AIG1: variants seen among roughly 807,000 people sequenced by gnomAD.
AIG1 encodes androgen induced 1.
AIG1 carries 23 observed loss-of-function variants against 31.4 expected under a neutral mutation model. The observed-to-expected ratio is 0.73, with a 90% CI of 0.53 to 1.04. The LOEUF (loss-of-function observed/expected upper bound fraction) is 1.04, where lower values mean the gene tolerates loss of function less well. AIG1 is among the 50% of genes least tolerant of loss of function. The pLI is 0.00. For missense variants in AIG1, 274 were observed against 295.0 expected, an observed-to-expected ratio of 0.93 and a Z score of 0.52; for synonymous variants, 100 against 110.5, an observed-to-expected ratio of 0.90 and a Z score of 0.60.
At chr6:143,305,964 C>T (rs1449092234) in intron 4 of AIG1, among the ~76,000 whole-genome samples, 1 of 151,924 alleles carries the variant, frequency 6.6e-6, no homozygotes, top group African/African-American at 2.4e-5. Context: ...GAATTGATCC[C>T]TTTACCATTA....
rs181445035 is a variant in AIG1, at chr6:143,131,769, A to C, written c.142-5066A>C. ...AAGGGCCTAGCTTGGCCAACACATT[A>C]ATTTTGGTGTTGTGGTACCCTAACC... is the stretch of plus-strand genomic sequence containing the variant. On this transcript the variant is annotated intron_variant, in intron 1 of 5. Transcript: ENST00000357847. Among the ~76,000 whole-genome samples, 313 of 152,270 alleles carry C rather than the reference A, an allele frequency of 2.1e-3. 2 individuals are homozygous for C. The highest frequency in any genetic ancestry group is 6.8e-3 in the Middle Eastern group (2 of 294).
intron 3 of AIG1, among the ~76,000 whole-genome samples, chr6:143,194,048 T>G (rs1790008505): frequency 6.6e-6 from 1 of 152,208 alleles, no homozygotes; most frequent in Admixed American, 6.5e-5. Context: ...AAGTCACAAA[T>G]GATTTATGAG....
chr6:143,131,149 T>C (rs1210340451), intron 1 of AIG1, among the ~76,000 whole-genome samples: 1 of 152,240 alleles, frequency 6.6e-6, no homozygotes, highest in Non-Finnish European at 1.5e-5. Context: ...AAACCATTTA[T>C]ATTTAGTGTA....
chr6:143,114,707 C>T, intron 1 of AIG1, among the ~76,000 whole-genome samples: 1 of 152,346 alleles, frequency 6.6e-6, no homozygotes, highest in East Asian at 1.9e-4. Context: ...TCATGGCATA[C>T]TGTCTACCAT....
intron 1 of AIG1, among the ~76,000 whole-genome samples, chr6:143,085,625 G>GGTAA (rs1778699618): frequency 6.6e-6 from 1 of 152,190 alleles, no homozygotes; most frequent in Non-Finnish European, 1.5e-5. Flanking sequence ...AGAGGGTGTA[G>GGTAA]GTAACCTTTT....
intron 3 of AIG1, among the ~76,000 whole-genome samples, chr6:143,247,516 G>A (rs79416517): frequency 0.064 from 9,743 of 152,250 alleles, 684 homozygotes; most frequent in East Asian, 0.31. Context: ...ATAAATCACT[G>A]TTAGACTGTC....
chr6:143,245,549 T>C (rs1794562419), intron 3 of AIG1, among the ~76,000 whole-genome samples: 1 of 152,222 alleles, frequency 6.6e-6, no homozygotes, highest in Admixed American at 6.5e-5. Context: ...GAATAAATAT[T>C]GCCCCTCCCA....
rs1364609328 is a variant in AIG1 at position 143,217,875 on chromosome 6, G to A, written c.399+52692G>A. ...GGTGGGATTACTGATCACGTGGTAGGATAATGTTTATGGCTCAATATGTAT... is the reference window on the plus strand; with the variant it reads ...GGTGGGATTACTGATCACGTGGTAGAATAATGTTTATGGCTCAATATGTAT... On this transcript the variant is annotated intron_variant, in intron 3 of 5. Transcript: ENST00000357847. Among the ~76,000 whole-genome samples the A allele has an allele frequency of 2.0e-5, 3 of 152,164 alleles. No homozygotes were observed. The East Asian group carries it at 5.8e-4, about 29-fold the overall frequency.
chr6:143,211,614 C>T (rs1015020395), intron 3 of AIG1, among the ~76,000 whole-genome samples: 7 of 152,110 alleles, frequency 4.6e-5, no homozygotes, highest in Admixed American at 4.6e-4. Flanking sequence ...AACAATTGGC[C>T]AGGTGTGGTG....
chr6:143,273,895 G>T (rs1253415096), intron 3 of AIG1, among the ~76,000 whole-genome samples: 1 of 152,112 alleles, frequency 6.6e-6, no homozygotes, highest in Non-Finnish European at 1.5e-5. Flanking sequence ...AACCATATCA[G>T]TTTCCAAAAT....
chr6:143,303,968 A>G (rs1799044118), intron 4 of AIG1, among the ~76,000 whole-genome samples: 2 of 146,320 alleles, frequency 1.4e-5, no homozygotes, highest in South Asian at 4.5e-4. Flanking sequence ...ATTCCTAGGT[A>G]TTTTATTCTC....
chr6:143,122,443 T>C (rs1209221950), intron 1 of AIG1, among the ~76,000 whole-genome samples: 1 of 152,196 alleles, frequency 6.6e-6, no homozygotes, highest in Non-Finnish European at 1.5e-5. Context: ...ATCACTTTAA[T>C]GTAACTCAAC....
intron 4 of AIG1, among the ~76,000 whole-genome samples, chr6:143,320,925 G>A (rs544039972): frequency 2.0e-5 from 3 of 151,076 alleles, no homozygotes; most frequent in South Asian, 4.2e-4. Flanking sequence ...GAGTTCAAGC[G>A]ATTCTCCTGC....
intron 1 of AIG1, among the ~76,000 whole-genome samples, chr6:143,063,786 T>C (rs1018599083): frequency 6.6e-6 from 1 of 152,212 alleles, no homozygotes; most frequent in Non-Finnish European, 1.5e-5. Context: ...CCATATTCCA[T>C]GGCTTCAGTT....
chr6:143,211,003 TCTTTG>T (rs1485840570), intron 3 of AIG1, among the ~76,000 whole-genome samples: 1 of 152,200 alleles, frequency 6.6e-6, no homozygotes, highest in African/African-American at 2.4e-5. Flanking sequence ...TTTAACCCTA[TCTTTG>T]CTTGCTTTTG....
At chr6:143,194,085 G>A (rs544020296) in intron 3 of AIG1, among the ~76,000 whole-genome samples, 36 of 152,178 alleles carry the variant, frequency 2.4e-4, no homozygotes, top group African/African-American at 8.7e-4. Context: ...CTTATCCCCT[G>A]TATATTAGTC....
Position 143,291,685 on chromosome 6 carries a change from G to T in AIG1, c.515+7460G>T, listed in dbSNP as rs1798070467. On this transcript the variant is annotated intron_variant, in intron 4 of 5. Coordinates refer to ENST00000357847, the MANE Select transcript of AIG1 (RefSeq NM_016108.4). The surrounding 1 kb of genome is among the most constrained non-coding windows in gnomAD (Gnocchi z 4.2). ...CTCTTCTACTTCAGGGTCTTAGAGT[G>T]CATGGAATAAATAAGTAAACCCCCC... Among the ~76,000 whole-genome samples, 1 of 152,202 alleles carries T rather than the reference G, an allele frequency of 6.6e-6. No homozygotes were observed. The highest frequency in any genetic ancestry group is 6.5e-5 in the Admixed American group (1 of 15,278).
chr6:143,238,000 G>A (rs982309818), intron 3 of AIG1, among the ~76,000 whole-genome samples: 2 of 152,178 alleles, frequency 1.3e-5, no homozygotes, highest in South Asian at 4.1e-4. Context: ...GAGTGCAGTG[G>A]CACGATCTCA....
At chr6:143,176,562 G>A (rs1305569653) in intron 3 of AIG1, among the ~76,000 whole-genome samples, 1 of 151,626 alleles carries the variant, frequency 6.6e-6, no homozygotes, top group Non-Finnish European at 1.5e-5. Flanking sequence ...CCAGGCCAAG[G>A]GGGTTATGTT....
Sources: gnomAD v4.1 joint callset for allele counts (sites outside exome capture counted in the v4.1 genomes callset) on GRCh38, gnomAD v4.1.1 for gene constraint, Gnocchi (gnomAD v3.1) non-coding constraint, MANE v1.5 for transcripts, NCBI Gene and HGNC (gene_info 2026-07-23, HGNC 2026-07-21) for gene names.